FRMD4B: variants seen among roughly 807,000 people sequenced by gnomAD.
FRMD4B encodes FERM domain-containing protein 4B.
FRMD4B carries 74 observed loss-of-function variants against 141.5 expected under a neutral mutation model. The observed-to-expected ratio is 0.52, with a 90% confidence interval of 0.43 to 0.63. The LOEUF (loss-of-function observed/expected upper bound fraction) is 0.63. Ranked by LOEUF, FRMD4B falls within the 30% of genes least tolerant of loss-of-function variation. FRMD4B has a pLI of 0.00. For missense variants in FRMD4B, 1,366 were observed against 1,253.4 expected, an observed-to-expected ratio of 1.09 and a Z score of -1.36; for synonymous variants, 506 against 467.9, an observed-to-expected ratio of 1.08 and a Z score of -1.05.
At chr3:69,331,681 T>C (rs930746002) in intron 1 of FRMD4B, among the ~76,000 whole-genome samples, 1 of 152,124 alleles carries the variant, frequency 6.6e-6, no homozygotes, top group African/African-American at 2.4e-5. Context: ...CACACTCACT[T>C]CCCAGGGCTG....
At chr3:69,450,351 T>A (rs1705475144) in intron 1 of FRMD4B, among the ~76,000 whole-genome samples, 1 of 152,094 alleles carries the variant, frequency 6.6e-6, no homozygotes, top group Admixed American at 6.5e-5. Flanking sequence ...TAGCCAGGCA[T>A]CATGGCATGG....
intron 1 of FRMD4B, among the ~76,000 whole-genome samples, chr3:69,474,539 T>C (rs1211158197): frequency 6.6e-6 from 1 of 152,168 alleles, no homozygotes; most frequent in Non-Finnish European, 1.5e-5. Flanking sequence ...GAGTTCCTGG[T>C]AGTTCATCTA....
intron 1 of FRMD4B, among the ~76,000 whole-genome samples, chr3:69,483,248 A>G (rs1706160768): frequency 6.6e-6 from 1 of 152,226 alleles, no homozygotes; most frequent in African/African-American, 2.4e-5. Context: ...TGTGAGAATA[A>G]CAGTCAAATA....
intron 1 of FRMD4B, among the ~76,000 whole-genome samples, chr3:69,343,577 G>GTTTTTGTTTTTTT (rs775904583): frequency 7.7e-4 from 97 of 126,488 alleles, no homozygotes; most frequent in African/African-American, 2.2e-3. Context: ...ACAGTTTTTT[G>GTTTTTGTTTTTTT]TTTTTTTTTT....
In FRMD4B at chr3:69,287,624, T is replaced by C. The variant is rs1310557151; in HGVS notation, c.501+128A>G. ...GTGTGTAGTTGGGGGGTAGGACATA[T>C]TCATGGAAAAGATTGTGGCCTTTTT... is the stretch of plus-strand genomic sequence containing the variant. On this transcript the variant is annotated intron_variant, in intron 5 of 22. Coordinates refer to ENST00000398540, the MANE Select transcript of FRMD4B (RefSeq NM_015123.3). 1.8e-5 allele frequency: 12 copies of C among 656,266 alleles called. No homozygotes were observed. In the East Asian group the frequency reaches 2.2e-4, roughly 12 times the overall value. 40.7% of individuals were successfully genotyped at this position (656,266 alleles called of 1,614,324 possible). A position where few individuals can be genotyped will look rare whatever the true frequency, so the allele number is the denominator to read the frequency against.
intron 1 of FRMD4B, among the ~76,000 whole-genome samples, chr3:69,459,442 G>A (rs1705674230): frequency 6.6e-6 from 1 of 152,158 alleles, no homozygotes; most frequent in South Asian, 2.1e-4. Flanking sequence ...ATAGATATAT[G>A]TACACCTTAA....
chr3:69,228,165 C>T (rs576523978), intron 7 of FRMD4B, among the ~76,000 whole-genome samples: 1 of 152,252 alleles, frequency 6.6e-6, no homozygotes, highest in African/African-American at 2.4e-5. Flanking sequence ...ACAGAACAGC[C>T]CTCAACAACA....
At chr3:69,420,765 G>T (rs1236412805) in intron 2 of FRMD4B, among the ~76,000 whole-genome samples, 3 of 152,110 alleles carry the variant, frequency 2.0e-5, no homozygotes, top group African/African-American at 7.2e-5. Flanking sequence ...CTTTTACTCT[G>T]GCCTAAGATT....
At chr3:69,366,291 A>C (rs367954359) in intron 1 of FRMD4B, among the ~76,000 whole-genome samples, 1 of 148,500 alleles carries the variant, frequency 6.7e-6, no homozygotes, top group East Asian at 2.0e-4. Flanking sequence ...AAACAAAAAA[A>C]ATTGACAACA....
intron 1 of FRMD4B, chr3:69,433,073 A>G (rs918199141): frequency 2.0e-5 from 3 of 152,232 alleles, no homozygotes; most frequent in Non-Finnish European, 4.4e-5. Flanking sequence ...TGAAGTGCTC[A>G]AAGTTATCTA....
chr3:69,498,859 A>C (rs2107054955), intron 1 of FRMD4B, among the ~76,000 whole-genome samples: 1 of 152,320 alleles, frequency 6.6e-6, no homozygotes, highest in South Asian at 2.1e-4. Flanking sequence ...TCTACTGTAC[A>C]CCAGGAATAT....
chr3:69,275,442 CTT>C (rs11405908), intron 5 of FRMD4B, among the ~76,000 whole-genome samples: 1 of 141,772 alleles, frequency 7.1e-6, no homozygotes, highest in Non-Finnish European at 1.5e-5. Context: ...CTCTCTCTCT[CTT>C]TTTTTTTTTT....
chr3:69,183,612 A>T (rs1275379409), intron 19 of FRMD4B, among the ~76,000 whole-genome samples: 1 of 148,254 alleles, frequency 6.7e-6, no homozygotes, highest in Non-Finnish European at 1.5e-5. Flanking sequence ...CCTCCGGAGT[A>T]GCTGGGACCA....
chr3:69,285,665 G>A (rs566233808), intron 5 of FRMD4B, among the ~76,000 whole-genome samples: 4 of 152,052 alleles, frequency 2.6e-5, no homozygotes, highest in South Asian at 2.1e-4. Flanking sequence ...CCAATATGGC[G>A]AAACCCCATT....
At chr3:69,179,316 T>C (rs1013329784) in intron 21 of FRMD4B, among the ~76,000 whole-genome samples, 1 of 152,176 alleles carries the variant, frequency 6.6e-6, no homozygotes, top group Non-Finnish European at 1.5e-5. Flanking sequence ...CCCAGCCCTG[T>C]GCCGTAGTGA....
At chr3:69,479,683 T>A (rs185272887) in intron 1 of FRMD4B, among the ~76,000 whole-genome samples, 302 of 152,286 alleles carry the variant, frequency 2.0e-3, no homozygotes, top group Non-Finnish European at 3.3e-3. Flanking sequence ...CAATTATGTG[T>A]CTTGGAGTTG....
intron 1 of FRMD4B, among the ~76,000 whole-genome samples, chr3:69,337,199 A>G (rs1702585684): frequency 6.6e-6 from 1 of 152,140 alleles, no homozygotes; most frequent in African/African-American, 2.4e-5. Flanking sequence ...AAAACAAGCA[A>G]TGGGGAAAGG....
At chr3:69,347,441 A>G (rs944768243) in intron 1 of FRMD4B, among the ~76,000 whole-genome samples, 1 of 152,206 alleles carries the variant, frequency 6.6e-6, no homozygotes, top group African/African-American at 2.4e-5. Flanking sequence ...AAAGTTAAAA[A>G]GGATATCCAG....
chr3:69,331,221 G>T (rs2107331320), intron 1 of FRMD4B, among the ~76,000 whole-genome samples: 2 of 152,300 alleles, frequency 1.3e-5, no homozygotes, highest in Admixed American at 1.3e-4. Context: ...GAGTGGCCTG[G>T]ACAGGGGATT....
Sources: allele counts gnomAD v4.1 joint callset (sites outside exome capture counted in the v4.1 genomes callset), GRCh38; gene constraint gnomAD v4.1.1; transcripts MANE v1.5; gene names NCBI Gene and HGNC (gene_info 2026-07-23, HGNC 2026-07-21).